Variants in COLEC10 observed in about 807,000 individuals in gnomAD.
COLEC10 encodes the protein collectin-10.
In COLEC10, 22 loss-of-function variants were observed where a neutral mutation model predicts 28.4. The ratio of observed to expected loss-of-function variants is 0.78; its 90% CI spans 0.55 to 1.11. COLEC10 has a LOEUF of 1.11. Among genes scored for constraint, COLEC10 ranks in the 50% least tolerant of loss-of-function variants. The pLI is 0.00. For synonymous variants in COLEC10, 125 were observed against 116.1 expected, an observed-to-expected ratio of 1.08 and a Z score of -0.49; for missense variants, 361 against 344.1, an observed-to-expected ratio of 1.05 and a Z score of -0.39.
the COLEC10 span, among the ~76,000 whole-genome samples, chr8:118,985,807 A>G: frequency 6.6e-6 from 1 of 152,128 alleles, no homozygotes; most frequent in Non-Finnish European, 1.5e-5. Context: ...GTGGAAGAGG[A>G]CTCATAGTTA....
chr8:118,994,540 T>C (rs1813558895), upstream of COLEC10, among the ~76,000 whole-genome samples: 1 of 152,212 alleles, frequency 6.6e-6, no homozygotes, highest in Non-Finnish European at 1.5e-5. Context: ...GGTGCAGTTA[T>C]GATCACCATT....
the COLEC10 span, among the ~76,000 whole-genome samples, chr8:118,979,288 G>A: frequency 6.6e-6 from 1 of 151,908 alleles, no homozygotes; most frequent in African/African-American, 2.4e-5. Flanking sequence ...AAACCCTTAT[G>A]TAAACTCAGA....
intron 2 of COLEC10, among the ~76,000 whole-genome samples, chr8:119,011,331 G>A (rs1050969304): frequency 4.0e-5 from 6 of 150,746 alleles, no homozygotes; most frequent in South Asian, 2.1e-4. Flanking sequence ...CTGATCCACC[G>A]ATCTATTTGT....
intron 2 of COLEC10, among the ~76,000 whole-genome samples, chr8:119,054,202 A>G (rs189412049): frequency 2.2e-3 from 334 of 152,258 alleles, no homozygotes; most frequent in Middle Eastern, 0.01. Flanking sequence ...ATGAGATTTC[A>G]TCATGCTACT....
At chr8:119,069,739 T>C (rs1815065305) in intron 1 of COLEC10, among the ~76,000 whole-genome samples, 1 of 147,964 alleles carries the variant, frequency 6.8e-6, no homozygotes, top group Non-Finnish European at 1.5e-5. Flanking sequence ...AAGGCAGATA[T>C]GTATATTTAC....
At chr8:119,041,619 C>T (rs937625925) in intron 2 of COLEC10, among the ~76,000 whole-genome samples, 3 of 152,004 alleles carry the variant, frequency 2.0e-5, no homozygotes, top group Admixed American at 2.0e-4. Context: ...ATACTTATGC[C>T]ATAATACTGT....
At chr8:118,995,299 C>A (rs1813571349), upstream of COLEC10, among the ~76,000 whole-genome samples, 1 of 152,124 alleles carries the variant, frequency 6.6e-6, no homozygotes, top group Admixed American at 6.6e-5. Context: ...AATAGCTTGG[C>A]CTTTTGACTC....
intron 2 of COLEC10, among the ~76,000 whole-genome samples, chr8:119,061,433 G>A (rs1164974558): frequency 1.5e-5 from 2 of 137,884 alleles, no homozygotes; most frequent in African/African-American, 2.8e-5. Flanking sequence ...TTTCAGAATA[G>A]CTGGTATTGA....
At chr8:119,071,320 A>G (rs991411578) in intron 1 of COLEC10, among the ~76,000 whole-genome samples, 1 of 152,174 alleles carries the variant, frequency 6.6e-6, no homozygotes, top group Non-Finnish European at 1.5e-5. Flanking sequence ...GGCCTTTTCA[A>G]TGACATTTTT....
chr8:119,042,008 G>T (rs748642257), intron 2 of COLEC10, among the ~76,000 whole-genome samples: 23 of 151,754 alleles, frequency 1.5e-4, no homozygotes, highest in Non-Finnish European at 2.4e-4. Flanking sequence ...GTTTTTTTTG[G>T]TTTTTTCGAG....
rs576999425 is a variant in COLEC10 at position 119,061,745 on chromosome 8, G to C, written n.236-27935G>C. On this transcript the variant is annotated intron_variant and non_coding_transcript_variant, in intron 2 of 6. Transcript: ENST00000521788. Reference sequence around the variant, plus strand: ...GACATACTATATTAAAATGAAGGATGAAACCAAGAAAAAAAAAGACGCAGA... The same window carrying C: ...GACATACTATATTAAAATGAAGGATCAAACCAAGAAAAAAAAAGACGCAGA... Among the ~76,000 whole-genome samples the C allele has an allele frequency of 2.6e-4, 39 of 151,566 alleles. No homozygotes were observed. In the South Asian group the frequency reaches 8.2e-3, roughly 32 times the overall value.
chr8:119,069,629 A>AAAAATTTATATATAT (rs1554627284), intron 1 of COLEC10, among the ~76,000 whole-genome samples: 1 of 42,876 alleles, frequency 2.3e-5, no homozygotes, highest in Non-Finnish European at 4.4e-5. Flanking sequence ...AAAAAAAAAA[A>AAAAATTTATATATAT]ATATATATAT....
intron 2 of COLEC10, among the ~76,000 whole-genome samples, chr8:119,023,310 G>T (rs1045778931): frequency 1.3e-5 from 2 of 152,018 alleles, no homozygotes; most frequent in African/African-American, 2.4e-5. Flanking sequence ...AAGGATTTAT[G>T]TCTATTTGTT....
intron 2 of COLEC10, among the ~76,000 whole-genome samples, chr8:119,031,969 G>A (rs548751861): frequency 6.6e-6 from 1 of 152,088 alleles, no homozygotes; most frequent in Non-Finnish European, 1.5e-5. Context: ...CTCTTCACAG[G>A]CATAATTTCA....
intron 2 of COLEC10, among the ~76,000 whole-genome samples, chr8:119,052,371 T>C (rs996555686): frequency 2.6e-5 from 4 of 152,060 alleles, no homozygotes; most frequent in Non-Finnish European, 5.9e-5. Flanking sequence ...ACAGTGTTGC[T>C]GGGGAAGAGT....
At chr8:119,019,196 C>A (rs953870725) in intron 2 of COLEC10, among the ~76,000 whole-genome samples, 4 of 152,180 alleles carry the variant, frequency 2.6e-5, no homozygotes, top group Non-Finnish European at 5.9e-5. Context: ...ACTCAAAACA[C>A]ATCTCCAGTT....
intron 2 of COLEC10, among the ~76,000 whole-genome samples, chr8:119,040,157 G>T (rs1015313655): frequency 2.6e-5 from 4 of 152,160 alleles, no homozygotes; most frequent in Non-Finnish European, 5.9e-5. Context: ...TTAAACAGAT[G>T]TATTCTCCTT....
the COLEC10 span, among the ~76,000 whole-genome samples, chr8:118,962,007 C>T: frequency 8.0e-3 from 1,219 of 152,244 alleles, 11 homozygotes; most frequent in African/African-American, 0.028. Context: ...AAACCAATCA[C>T]CCCCCTGTTG....
chr8:118,981,951 T>C, the COLEC10 span, among the ~76,000 whole-genome samples: 39 of 152,034 alleles, frequency 2.6e-4, no homozygotes, highest in Non-Finnish European at 5.1e-4. Flanking sequence ...ATGTGTTTCC[T>C]GACACATCTA....
Sources: gnomAD v4.1 joint callset for allele counts (sites outside exome capture counted in the v4.1 genomes callset) on GRCh38, gnomAD v4.1.1 for gene constraint, MANE v1.5 for transcripts, NCBI Gene and HGNC (gene_info 2026-07-23, HGNC 2026-07-21) for gene names.